Variants in ZP3 observed in about 807,000 individuals in gnomAD.
ZP3 encodes the protein zona pellucida sperm-binding protein 3.
A neutral mutation model predicts 35.6 loss-of-function variants in ZP3; 21 were observed. That is an observed-to-expected ratio of 0.59 (90% CI 0.42 to 0.85). The LOEUF is 0.85. Ranked by LOEUF, ZP3 falls within the 40% of genes least tolerant of loss-of-function variation. The probability of loss-of-function intolerance (pLI) is 0.00; values close to 1 mark genes in which losing one functional copy is unlikely to be tolerated. For synonymous variants in ZP3, 207 were observed against 214.5 expected (o/e 0.96, Z 0.31); for missense variants, 437 against 536.5 (o/e 0.81, Z 1.83).
rs1357495551 is a variant in ZP3 at position 76,433,011 on chromosome 7, C to G, written c.516C>G (p.Phe172Leu). 4.3e-6 allele frequency: 7 copies of G among 1,613,888 alleles called. No homozygotes were observed. The highest frequency in any genetic ancestry group is 5.9e-6 in the Non-Finnish European group (7 of 1,179,946). The change falls in exon 3 of 8, where the codon TTC becomes TTG. Residue 172 changes from phenylalanine to leucine, a missense_variant. Phe to Leu is a conservative substitution (Grantham distance 22). Coordinates refer to ENST00000394857, the MANE Select transcript of ZP3 (RefSeq NM_001110354.2). ...TTVFSEEKLTFSLRLMEENWN... is the reference protein window; with the variant it reads ...TTVFSEEKLTLSLRLMEENWN... ...TGTTCTCAGAGGAGAAGCTGACTTT[C>G]TCTCTGCGTCTGATGGAGGGTAAGA...
chr7:76,436,383 T>TACC (rs1288767578), intron 5 of ZP3, among the ~76,000 whole-genome samples: 1 of 152,084 alleles, frequency 6.6e-6, no homozygotes, highest in African/African-American at 2.4e-5. Flanking sequence ...TCTACTGACC[T>TACC]ACCTTATTCT....
In ZP3 at chr7:76,441,851, A is replaced by C; in HGVS notation, c.1070A>C (p.Glu357Ala). 1.9e-6 allele frequency: 3 copies of C among 1,613,640 alleles called. No homozygotes were observed. Among genetic ancestry groups the C allele is most frequent in the South Asian group, 1.1e-5 (1 of 91,042 alleles). ...TGTTCTCCTTTCACAGTGACAGAAGAAGCAGATGTCACCGTGGGGCCACTG... is the reference window on the plus strand; with the variant it reads ...TGTTCTCCTTTCACAGTGACAGAAGCAGCAGATGTCACCGTGGGGCCACTG... ...ASRNRRHVTEEADVTVGPLIF... is the reference protein window; with the variant it reads ...ASRNRRHVTEAADVTVGPLIF... Residue 357 changes from glutamate (E) to alanine (A), a missense_variant, in exon 8 of 8, where the codon GAA (glutamate) becomes GCA (alanine). Glu to Ala is a moderately radical substitution (Grantham distance 107). This residue lies in a region of ZP3 where 11 missense variants were observed against 30.7 expected (regional missense o/e 0.36). Coordinates refer to ENST00000394857, the MANE Select transcript of ZP3 (RefSeq NM_001110354.2).
At chr7:76,437,678 T>TA (rs1409079588) in intron 5 of ZP3, among the ~76,000 whole-genome samples, 1 of 145,520 alleles carries the variant, frequency 6.9e-6, no homozygotes, top group African/African-American at 2.6e-5. Context: ...TTTTTTTTTT[T>TA]AGTAGAGATG....
chr7:76,406,749 AC>A (rs1805046968), intron 1 of ZP3, among the ~76,000 whole-genome samples: 1 of 150,256 alleles, frequency 6.7e-6, no homozygotes, highest in African/African-American at 2.4e-5. Context: ...CCTGTCTTGC[AC>A]TTTTTTTGTT....
At chr7:76,400,713 G>GCCAA in intron 1 of ZP3, 2 of 1,175,452 alleles carry the variant, frequency 1.7e-6, no homozygotes, top group African/African-American at 1.6e-5. Flanking sequence ...TCACTATGTT[G>GCCAA]CCAAGGCTGG....
chr7:76,433,639 C>T lies in ZP3; in HGVS notation c.705C>T (p.Asp235=), dbSNP rs942161658. The T allele has an allele frequency of 3.7e-6, 6 of 1,605,208 alleles. No individual in the cohort carries two copies. Among genetic ancestry groups the T allele is most frequent in the Admixed American group, 1.7e-5 (1 of 59,046 alleles). ...CCTCCCCTTATCACACCATCGTGGA[C>T]TTCCATGGGTGAGCACTGGGCTCCC... ...QNASPYHTIV[D]FHGCLVDGLT... The change falls in exon 4 of 8, where the codon GAC becomes GAT. Residue 235 remains aspartate, a synonymous_variant. Coordinates refer to ENST00000394857, the MANE Select transcript of ZP3 (RefSeq NM_001110354.2).
chr7:76,426,307 A>AGGGCT (rs1406442705), intron 1 of ZP3, among the ~76,000 whole-genome samples: 1 of 152,140 alleles, frequency 6.6e-6, no homozygotes, highest in Non-Finnish European at 1.5e-5. Context: ...ACGGCAGGGC[A>AGGGCT]GGGCTGGGCA....
At chr7:76,398,627 C>T (rs1449652013) in intron 1 of ZP3, 10 of 1,386,952 alleles carry the variant, frequency 7.2e-6, no homozygotes, top group Non-Finnish European at 1.0e-5. Flanking sequence ...TTTACATCTT[C>T]AATTTGTAAT....
chr7:76,422,766 G>T (rs746125180), upstream of ZP3, among the ~76,000 whole-genome samples: 2 of 151,280 alleles, frequency 1.3e-5, no homozygotes. Flanking sequence ...GGGAGGCCGA[G>T]GAGGGAGAAT....
chr7:76,405,312 TA>T (rs61475138), intron 1 of ZP3, among the ~76,000 whole-genome samples: 10 of 69,094 alleles, frequency 1.4e-4, no homozygotes, highest in African/African-American at 4.7e-4. Context: ...TATATATATA[TA>T]TATGTATTTT....
At chr7:76,398,465 T>C (rs891145996) in intron 1 of ZP3, among the ~76,000 whole-genome samples, 15 of 151,876 alleles carry the variant, frequency 9.9e-5, no homozygotes, top group African/African-American at 3.6e-4. Flanking sequence ...CCACCACGCC[T>C]GGCTAATTTT....
chr7:76,411,664 A>G (rs562388273), intron 1 of ZP3, among the ~76,000 whole-genome samples: 5 of 152,328 alleles, frequency 3.3e-5, no homozygotes, highest in Admixed American at 1.3e-4. Context: ...TAGTGAGGAT[A>G]TGGAGAAACT....
At chr7:76,408,299 C>T in intron 1 of ZP3, among the ~76,000 whole-genome samples, 1 of 152,132 alleles carries the variant, frequency 6.6e-6, no homozygotes, top group Non-Finnish European at 1.5e-5. Context: ...ATTCATGGGG[C>T]CCAGGACAGC....
chr7:76,415,017 G>A (rs1805336317), intron 1 of ZP3, among the ~76,000 whole-genome samples: 1 of 150,234 alleles, frequency 6.7e-6, no homozygotes, highest in African/African-American at 2.5e-5. Context: ...TGTTCCAGGA[G>A]CCAATCCAGG....
rs751250796 is a variant in ZP3, at chr7:76,433,025, T to TG, written c.532dup (p.Glu178GlyfsTer7). The TG allele has an allele frequency of 2.5e-6, 4 of 1,612,876 alleles. No individual in the cohort carries two copies. In the South Asian group the frequency reaches 4.4e-5, roughly 18 times the overall value. ...AAGCTGACTTTCTCTCTGCGTCTGA[T>TG]GGAGGGTAAGAGAAGAAGGCTGGGT... On this transcript the variant is annotated frameshift_variant, in exon 3 of 8. Transcript: ENST00000394857. LOFTEE classifies it high-confidence loss of function.
At chr7:76,429,688 G>T in intron 2 of ZP3, 55 bp downstream of exon 2, 3 of 1,481,700 alleles carry the variant, frequency 2.0e-6, no homozygotes, top group Non-Finnish European at 2.8e-6. Flanking sequence ...GGGTGTGGCT[G>T]CAGGCAAGTG....
chr7:76,441,395 C>A (rs1437713900), intron 7 of ZP3, among the ~76,000 whole-genome samples: 1 of 151,274 alleles, frequency 6.6e-6, no homozygotes, highest in Non-Finnish European at 1.5e-5. Context: ...TTTCTTCCCC[C>A]TCCCCTGCAC....
At chr7:76,429,207 C>G (rs1381934811) in intron 1 of ZP3, 1 of 341,968 alleles carries the variant, frequency 2.9e-6, no homozygotes, top group African/African-American at 2.1e-5. Flanking sequence ...TATGTGGTGT[C>G]AGGTAAAGAT....
intron 7 of ZP3, among the ~76,000 whole-genome samples, chr7:76,441,055 C>T (rs1400483037): frequency 6.6e-6 from 1 of 150,762 alleles, no homozygotes; most frequent in Non-Finnish European, 1.5e-5. Context: ...CCTGTAATCC[C>T]AGCTACTTGG....
Sources: allele counts gnomAD v4.1 joint callset (sites outside exome capture counted in the v4.1 genomes callset), GRCh38; gene constraint gnomAD v4.1.1; regional missense constraint gnomAD v4.1.1; transcripts MANE v1.5; gene names NCBI Gene and HGNC (gene_info 2026-07-23, HGNC 2026-07-21).